CCDC178: variants seen among roughly 807,000 people sequenced by gnomAD.
CCDC178 encodes coiled-coil domain-containing protein 178.
A neutral mutation model predicts 117.4 loss-of-function variants in CCDC178; 126 were observed. The observed-to-expected ratio is 1.07, with a 90% confidence interval of 0.93 to 1.24. The LOEUF is 1.24. Among genes scored for constraint, CCDC178 ranks in the 50% most tolerant of loss-of-function variants. The pLI is 0.00. For synonymous variants in CCDC178, 283 were observed against 313.4 expected (o/e 0.90, Z 1.02); for missense variants, 1,030 against 986.9 (o/e 1.04, Z -0.59).
At chr18:33,210,623 G>T (rs528432705) in intron 20 of CCDC178, among the ~76,000 whole-genome samples, 4 of 152,034 alleles carry the variant, frequency 2.6e-5, no homozygotes, top group Admixed American at 6.6e-5. Context: ...AAAATGTGAG[G>T]TGGGGAAGAA....
chr18:33,317,885 G>A (rs2062442180), intron 11 of CCDC178, among the ~76,000 whole-genome samples: 1 of 152,058 alleles, frequency 6.6e-6, no homozygotes, highest in Non-Finnish European at 1.5e-5. Context: ...AGCCAAGATA[G>A]CCAACCAAAG....
At chr18:33,109,387 TTTACTAA>T (rs1223073753) in intron 20 of CCDC178, among the ~76,000 whole-genome samples, 1 of 151,596 alleles carries the variant, frequency 6.6e-6, no homozygotes, top group Non-Finnish European at 1.5e-5. Flanking sequence ...TCACTTTTCT[TTTACTAA>T]AAAAGAGATG....
intron 12 of CCDC178, among the ~76,000 whole-genome samples, chr18:33,272,106 G>T (rs1305995317): frequency 6.6e-6 from 1 of 151,260 alleles, no homozygotes; most frequent in East Asian, 1.9e-4. Context: ...AAAGTGGAGA[G>T]AATCAACAAA....
chr18:33,349,300 T>C (rs1299134872), intron 7 of CCDC178, among the ~76,000 whole-genome samples: 2 of 151,956 alleles, frequency 1.3e-5, no homozygotes, highest in Non-Finnish European at 2.9e-5. Flanking sequence ...ATAATTTGGA[T>C]GAATGATTTC....
At chr18:33,304,063 T>C (rs2062216712) in intron 11 of CCDC178, among the ~76,000 whole-genome samples, 2 of 152,058 alleles carry the variant, frequency 1.3e-5, no homozygotes, top group African/African-American at 4.8e-5. Flanking sequence ...TGTATTTCCA[T>C]GGCAAAAAAA....
intron 21 of CCDC178, among the ~76,000 whole-genome samples, chr18:33,018,720 G>C (rs1240073786): frequency 1.3e-5 from 2 of 152,020 alleles, no homozygotes; most frequent in African/African-American, 4.8e-5. Flanking sequence ...TAGATTAGAA[G>C]TTACAGCAAC....
chr18:33,258,254 G>A (rs1853247114), intron 14 of CCDC178, among the ~76,000 whole-genome samples: 1 of 152,036 alleles, frequency 6.6e-6, no homozygotes, highest in African/African-American at 2.4e-5. Context: ...AGCCCTGTCT[G>A]CCTTACCAAC....
At chr18:33,139,732 A>G (rs956462923) in intron 20 of CCDC178, among the ~76,000 whole-genome samples, 2 of 152,174 alleles carry the variant, frequency 1.3e-5, no homozygotes, top group Admixed American at 1.3e-4. Flanking sequence ...ACAGTTTGGA[A>G]AAGTTGCAGC....
chr18:33,029,294 T>G (rs1480100348), intron 21 of CCDC178, among the ~76,000 whole-genome samples: 1 of 151,996 alleles, frequency 6.6e-6, no homozygotes, highest in African/African-American at 2.4e-5. Context: ...TCTAATTTGC[T>G]GGCATTCAAA....
At chr18:33,259,657 C>T (rs9959366) in intron 14 of CCDC178, among the ~76,000 whole-genome samples, 2 of 152,066 alleles carry the variant, frequency 1.3e-5, no homozygotes, top group East Asian at 1.9e-4. Context: ...ATCACCCCCC[C>T]CCACCAGTCC....
chr18:33,439,411 A>T (rs2064344817), intron 2 of CCDC178, among the ~76,000 whole-genome samples: 1 of 152,224 alleles, frequency 6.6e-6, no homozygotes, highest in Non-Finnish European at 1.5e-5. Context: ...TAGTGGGTAG[A>T]CTAACAATCA....
intron 2 of CCDC178, among the ~76,000 whole-genome samples, chr18:33,439,623 T>C (rs2064349889): frequency 6.6e-6 from 1 of 152,248 alleles, no homozygotes; most frequent in African/African-American, 2.4e-5. Flanking sequence ...GTCATGTCTC[T>C]GAGTTCTTAA....
At chr18:33,399,302 A>T (rs1319599835) in intron 3 of CCDC178, among the ~76,000 whole-genome samples, 1 of 152,188 alleles carries the variant, frequency 6.6e-6, no homozygotes, top group Non-Finnish European at 1.5e-5. Context: ...TGACTGATCA[A>T]GGTGGTGGTT....
intron 20 of CCDC178, among the ~76,000 whole-genome samples, chr18:33,148,913 C>G (rs751052529): frequency 2.1e-4 from 32 of 152,316 alleles, no homozygotes; most frequent in Middle Eastern, 3.4e-3. Flanking sequence ...GTGTGGTCCC[C>G]TCACCCCAAC....
intron 21 of CCDC178, among the ~76,000 whole-genome samples, chr18:33,026,936 T>C (rs1337661318): frequency 6.6e-6 from 1 of 151,940 alleles, no homozygotes; most frequent in Admixed American, 6.6e-5. Flanking sequence ...TTCAGGCAGA[T>C]GCAAACATGG....
intron 2 of CCDC178, among the ~76,000 whole-genome samples, chr18:33,416,865 G>T (rs2063948425): frequency 1.3e-5 from 2 of 151,998 alleles, no homozygotes; most frequent in Admixed American, 1.3e-4. Flanking sequence ...CCCTTGCCCA[G>T]CAGTAAAAGT....
At chr18:33,405,031 T>C (rs1261814100) in intron 3 of CCDC178, among the ~76,000 whole-genome samples, 1 of 152,038 alleles carries the variant, frequency 6.6e-6, no homozygotes, top group Non-Finnish European at 1.5e-5. Context: ...TAGAAATAGA[T>C]AGTGGTAATG....
intron 18 of CCDC178, among the ~76,000 whole-genome samples, chr18:33,221,460 A>T (rs1459567583): frequency 1.3e-5 from 2 of 152,142 alleles, no homozygotes; most frequent in South Asian, 2.1e-4. Flanking sequence ...AATTGATGAG[A>T]CACTTAGTGC....
At position 33,329,882 on chromosome 18, in the gene CCDC178, T is replaced by A. The variant is rs868864344; in HGVS notation, c.879+3292A>T. Among the ~76,000 whole-genome samples, 246 of 136,368 alleles carry A rather than the reference T, an allele frequency of 1.8e-3. 2 individuals carry two copies. In the Middle Eastern group the frequency reaches 0.018, roughly 10 times the overall value. 89.5% of individuals were successfully genotyped at this position (136,368 alleles called of 152,430 possible). Reference sequence around the variant, plus strand: ...AGAGTTGGAGAATTATTAGAGTGTGTGTGTGTGTGTGTGTGTGTGTGTGTG... The same window carrying A: ...AGAGTTGGAGAATTATTAGAGTGTGAGTGTGTGTGTGTGTGTGTGTGTGTG... On this transcript the variant is annotated intron_variant, in intron 10 of 22. Coordinates refer to ENST00000383096, the MANE Select transcript of CCDC178 (RefSeq NM_001105528.4).
Sources: gnomAD v4.1 joint callset for allele counts (sites outside exome capture counted in the v4.1 genomes callset) on GRCh38, gnomAD v4.1.1 for gene constraint, MANE v1.5 for transcripts, NCBI Gene and HGNC (gene_info 2026-07-23, HGNC 2026-07-21) for gene names.